Variants in ARHGAP31 observed in about 807,000 individuals in gnomAD.
ARHGAP31 encodes the protein rho GTPase-activating protein 31.
In ARHGAP31, 34 loss-of-function variants were observed where a neutral mutation model predicts 113.9. The ratio of observed to expected loss-of-function variants is 0.30; its 90% CI spans 0.23 to 0.40. ARHGAP31 has a LOEUF of 0.40. ARHGAP31 is among the 10% of genes least tolerant of loss of function. The pLI is 1.00. For missense variants in ARHGAP31, 1,548 were observed against 1,767.1 expected (o/e 0.88, Z 2.22); for synonymous variants, 650 against 684.8 (o/e 0.95, Z 0.79).
rs548621524 is a variant in ARHGAP31, at chr3:119,415,441, C to T, written c.3512C>T (p.Ala1171Val). 2 of 1,614,048 alleles carry T rather than the reference C, an allele frequency of 1.2e-6. No homozygotes were observed. Among genetic ancestry groups the T allele is most frequent in the East Asian group, 2.2e-5 (1 of 44,880 alleles). The part of the protein sequence containing the change: ...DPQDLDIVAH[A>V]LTGRRNSAPV... ...CAGGACCTGGACATTGTTGCTCATG[C>T]ACTGACAGGCCGCCGTAACTCAGCT... is the stretch of plus-strand genomic sequence containing the variant. Residue 1171 changes from alanine to valine, a missense_variant, in exon 12 of 12, where the codon GCA becomes GTA. Coordinates refer to ENST00000264245, the MANE Select transcript of ARHGAP31 (RefSeq NM_020754.4).
At chr3:119,407,374 A>T (rs1036387040) in intron 10 of ARHGAP31, among the ~76,000 whole-genome samples, 8 of 151,006 alleles carry the variant, frequency 5.3e-5, no homozygotes, top group Non-Finnish European at 8.8e-5. Flanking sequence ...AAAGAAAAAA[A>T]AAATAAAGAA....
intron 10 of ARHGAP31, among the ~76,000 whole-genome samples, chr3:119,404,145 TA>T (rs2080640148): frequency 6.6e-6 from 1 of 152,028 alleles, no homozygotes; most frequent in Non-Finnish European, 1.5e-5. Flanking sequence ...GGATGAGGGA[TA>T]GGGGAGGGAG....
chr3:119,310,199 C>T (rs2079667514), intron 1 of ARHGAP31, among the ~76,000 whole-genome samples: 1 of 152,138 alleles, frequency 6.6e-6, no homozygotes, highest in Admixed American at 6.5e-5. Flanking sequence ...ATGCCTTGGC[C>T]ACACAGGGAG....
At chr3:119,384,277 C>T (rs1342720363) in intron 6 of ARHGAP31, among the ~76,000 whole-genome samples, 2 of 152,180 alleles carry the variant, frequency 1.3e-5, no homozygotes, top group African/African-American at 2.4e-5. Context: ...ATCTACATAA[C>T]GTACAATTCA....
chr3:119,366,045 C>T (rs1461170535), intron 2 of ARHGAP31, among the ~76,000 whole-genome samples: 1 of 151,754 alleles, frequency 6.6e-6, no homozygotes, highest in East Asian at 1.9e-4. Context: ...ATAAAGAGGG[C>T]AAAACATTTT....
intron 3 of ARHGAP31, among the ~76,000 whole-genome samples, chr3:119,370,718 A>G (rs1022071790): frequency 2.0e-5 from 3 of 152,180 alleles, no homozygotes; most frequent in African/African-American, 7.2e-5. Flanking sequence ...CATTCTCTCT[A>G]TGTGCCATGA....
At chr3:119,408,898 AAG>A (rs1249443853) in intron 10 of ARHGAP31, among the ~76,000 whole-genome samples, 1 of 152,208 alleles carries the variant, frequency 6.6e-6, no homozygotes, top group African/African-American at 2.4e-5. Flanking sequence ...AACCCCTGGG[AAG>A]AGTCACACAG....
intron 1 of ARHGAP31, among the ~76,000 whole-genome samples, chr3:119,326,878 C>A (rs1473889924): frequency 6.6e-6 from 1 of 152,176 alleles, no homozygotes; most frequent in Non-Finnish European, 1.5e-5. Context: ...TGGCTCGCAC[C>A]TGTAATCCTA....
chr3:119,307,994 T>C (rs1206804644), intron 1 of ARHGAP31, among the ~76,000 whole-genome samples: 1 of 117,402 alleles, frequency 8.5e-6, no homozygotes, highest in Non-Finnish European at 1.7e-5. Flanking sequence ...AGCAGCAGAG[T>C]ATATAGATCA....
chr3:119,380,390 GTTAT>G (rs2080385727), intron 3 of ARHGAP31, among the ~76,000 whole-genome samples: 1 of 141,040 alleles, frequency 7.1e-6, no homozygotes, highest in Admixed American at 7.3e-5. Flanking sequence ...TTACTTGCTT[GTTAT>G]TTATTTATGT....
At chr3:119,325,447 C>T (rs1318706470) in intron 1 of ARHGAP31, among the ~76,000 whole-genome samples, 9 of 152,302 alleles carry the variant, frequency 5.9e-5, no homozygotes, top group South Asian at 2.1e-4. Context: ...TAGTGGCTTG[C>T]CCAAGGAGGC....
At chr3:119,382,232 A>G in intron 4 of ARHGAP31, 60 bp from the exon 5 acceptor site, 5 of 1,424,176 alleles carry the variant, frequency 3.5e-6, no homozygotes, top group Non-Finnish European at 5.0e-6. Context: ...TTATCTCCAT[A>G]TGTCAGGCTT....
rs1439323911 is a variant in ARHGAP31 at position 119,401,897 on chromosome 3, CCACCGG to C, written c.1154_1159del (p.Thr385_Gly386del). 6.2e-7 allele frequency: 1 copy of C among 1,614,010 alleles called. No homozygotes were observed. The highest frequency in any genetic ancestry group is 1.3e-5 in the African/African-American group (1 of 74,900). On this transcript the variant is annotated inframe_deletion, in exon 10 of 12. Transcript: ENST00000264245. Reference sequence around the variant, plus strand: ...TTCATTCCAGCAACAAAGATGCACTCCACCGGCACCGGCAGCTCATGTGACCTCACC... The same window carrying C: ...TTCATTCCAGCAACAAAGATGCACTCCACCGGCAGCTCATGTGACCTCACC...
At chr3:119,391,596 C>CT (rs2080504258) in intron 7 of ARHGAP31, among the ~76,000 whole-genome samples, 8 of 95,384 alleles carry the variant, frequency 8.4e-5, no homozygotes, top group African/African-American at 4.3e-4. Flanking sequence ...TCTACCCCCC[C>CT]CTCCCCCCCG....
At chr3:119,319,185 G>A (rs2079760597) in intron 1 of ARHGAP31, among the ~76,000 whole-genome samples, 1 of 150,704 alleles carries the variant, frequency 6.6e-6, no homozygotes, top group African/African-American at 2.4e-5. Context: ...CTTCTGGTAT[G>A]GGTGCTATGA....
chr3:119,391,745 G>C lies in ARHGAP31; in HGVS notation c.881+762G>C, dbSNP rs78261972. On this transcript the variant is annotated intron_variant, in intron 7 of 11. Transcript: ENST00000264245. The stretch of plus-strand genomic sequence containing the variant: ...CCCACTCTTTGGTCAGTGAAAACAG[G>C]TATGAAAACAGGCACCTCTTGCACA... Among the ~76,000 whole-genome samples, 10 of 152,190 alleles carry C rather than the reference G, an allele frequency of 6.6e-5. No individual in the cohort carries two copies. The East Asian group carries it at 1.9e-3, about 29-fold the overall frequency.
intron 10 of ARHGAP31, among the ~76,000 whole-genome samples, chr3:119,407,548 A>C (rs2080675052): frequency 6.6e-6 from 1 of 152,244 alleles, no homozygotes; most frequent in Admixed American, 6.5e-5. Flanking sequence ...ATCTGTTTAC[A>C]TATGCAAAAA....
intron 1 of ARHGAP31, among the ~76,000 whole-genome samples, chr3:119,307,957 A>AAAAAAAAAAAAAAAAAAAAAAAAAAC (rs1251267299): frequency 6.7e-6 from 1 of 149,928 alleles, no homozygotes; most frequent in Non-Finnish European, 1.5e-5. Flanking sequence ...AAAAAAAAAA[A>AAAAAAAAAAAAAAAAAAAAAAAAAAC]AAAGCTCAAT....
At chr3:119,324,440 G>A (rs1243422895) in intron 1 of ARHGAP31, among the ~76,000 whole-genome samples, 2 of 152,150 alleles carry the variant, frequency 1.3e-5, no homozygotes, top group African/African-American at 4.8e-5. Flanking sequence ...TATGAAATAC[G>A]ATAGTTATTG....
Sources: gnomAD v4.1 joint callset for allele counts (sites outside exome capture counted in the v4.1 genomes callset) on GRCh38, gnomAD v4.1.1 for gene constraint, MANE v1.5 for transcripts, NCBI Gene and HGNC (gene_info 2026-07-23, HGNC 2026-07-21) for gene names.